SUCLA2: variants seen among roughly 807,000 people sequenced by gnomAD.
SUCLA2 encodes the protein succinate--CoA ligase [ADP-forming] subunit beta, mitochondrial.
SUCLA2 carries 30 observed loss-of-function variants against 54.8 expected under a neutral mutation model. That is an observed-to-expected ratio of 0.55 (90% CI 0.41 to 0.74). The LOEUF (loss-of-function observed/expected upper bound fraction) is 0.74. Ranked by LOEUF, SUCLA2 falls within the 30% of genes least tolerant of loss-of-function variation. The pLI, the probability that SUCLA2 is intolerant of heterozygous loss-of-function variation, is 0.00. For missense variants in SUCLA2, 476 were observed against 562.9 expected, an observed-to-expected ratio of 0.85 and a Z score of 1.56; for synonymous variants, 172 against 188.9, an observed-to-expected ratio of 0.91 and a Z score of 0.74.
At chr13:47,962,730 G>A (rs1949880867) in intron 6 of SUCLA2, among the ~76,000 whole-genome samples, 1 of 152,154 alleles carries the variant, frequency 6.6e-6, no homozygotes, top group African/African-American at 2.4e-5. Flanking sequence ...AAAGACCAAT[G>A]ACTGGATTCC....
At chr13:47,945,494 G>A (rs1450401269) in intron 10 of SUCLA2, among the ~76,000 whole-genome samples, 1 of 150,462 alleles carries the variant, frequency 6.6e-6, no homozygotes, top group East Asian at 2.0e-4. Flanking sequence ...GTGTTCGAGT[G>A]TTCAATGAAA....
Position 48,001,200 on chromosome 13 carries a change from C to G in SUCLA2, c.70G>C (p.Ala24Pro). The change falls in exon 1 of 11, where the codon GCC (alanine) becomes CCC (proline). Residue 24 changes from alanine to proline, a missense_variant. Ala to Pro is a conservative substitution (Grantham distance 27, BLOSUM62 -1). This residue lies in a region of SUCLA2 where 134 missense variants were observed against 118.7 expected (regional missense o/e 1.13). Coordinates refer to ENST00000646932, the MANE Select transcript of SUCLA2 (RefSeq NM_003850.3). The stretch of plus-strand genomic sequence containing the variant: ...ATTACCTGAGCAGCAGCCCGCTGGG[C>G]CGTCCGAGGCCGGTGGTTCCGAAGG... ...ATLRNHRPRT[A>P]QRAAAQVLGS... is the part of the protein sequence containing the mutation. 2 of 1,609,418 alleles carry G rather than the reference C, an allele frequency of 1.2e-6. No homozygotes were observed. The highest frequency in any genetic ancestry group is 1.7e-4 in the Middle Eastern group (1 of 6,052).
Position 47,979,853 on chromosome 13 carries a change from ATGT to A in SUCLA2, c.535-6464_535-6462del, listed in dbSNP as rs1950047028. On this transcript the variant is annotated intron_variant, in intron 4 of 10. Transcript: ENST00000646932. ...GTAAAATTCTGTGTTTGCAGATGAG[ATGT>A]TGTCATATGTAGAAATCCCTAAAGA... 2.0e-5 allele frequency among the ~76,000 whole-genome samples: 3 copies of A among 152,210 alleles called. No individual in the cohort carries two copies. The South Asian group carries it at 6.2e-4, about 32-fold the overall frequency.
At chr13:47,973,460 T>C in intron 4 of SUCLA2, 68 bp from the exon 5 acceptor site, 1 of 1,544,156 alleles carries the variant, frequency 6.5e-7, no homozygotes. Context: ...CTTTAAAACC[T>C]ACCCGTGCAT....
chr13:47,948,579 A>G (rs149373891), intron 10 of SUCLA2, among the ~76,000 whole-genome samples: 8 of 152,224 alleles, frequency 5.3e-5, no homozygotes, highest in Non-Finnish European at 1.2e-4. Context: ...TGCTTAAGTC[A>G]GTTTAGCCAG....
At chr13:47,987,050 T>C (rs1315001868) in intron 4 of SUCLA2, among the ~76,000 whole-genome samples, 1 of 152,256 alleles carries the variant, frequency 6.6e-6, no homozygotes, top group African/African-American at 2.4e-5. Flanking sequence ...ACAGTTTTAC[T>C]GGTACTACAG....
intron 5 of SUCLA2, chr13:47,972,010 G>T: frequency 2.5e-6 from 1 of 394,286 alleles, no homozygotes; most frequent in African/African-American, 2.1e-5. Flanking sequence ...TAGCACTTCA[G>T]GAGGCCGATG....
In SUCLA2 at chr13:47,966,505, G is replaced by A. The variant is rs7337846; in HGVS notation, c.802+2090C>T. Reference sequence around the variant, plus strand: ...TTACATTTAAGTTAGATAGGCTGGTGCAAAAGTAATTGCCGTTTTTAAAAA... The same window carrying A: ...TTACATTTAAGTTAGATAGGCTGGTACAAAAGTAATTGCCGTTTTTAAAAA... On this transcript the variant is annotated intron_variant, in intron 6 of 10. Coordinates refer to ENST00000646932, the MANE Select transcript of SUCLA2 (RefSeq NM_003850.3). Among the ~76,000 whole-genome samples the A allele has an allele frequency of 3.5e-3, 486 of 137,908 alleles. 5 individuals are homozygous for A. Among genetic ancestry groups the A allele is most frequent in the African/African-American group, 0.012 (462 of 37,010 alleles). 90.5% of individuals were successfully genotyped at this position (137,908 alleles called of 152,430 possible).
At chr13:47,953,850 A>C (rs901480729) in intron 8 of SUCLA2, among the ~76,000 whole-genome samples, 1 of 152,132 alleles carries the variant, frequency 6.6e-6, no homozygotes, top group Non-Finnish European at 1.5e-5. Flanking sequence ...TGTCTTTTGA[A>C]TTATGATACT....
intron 6 of SUCLA2, among the ~76,000 whole-genome samples, chr13:47,958,002 G>T (rs1191153600): frequency 2.0e-5 from 3 of 152,196 alleles, no homozygotes; most frequent in African/African-American, 7.2e-5. Context: ...TTGCAATACT[G>T]TTTGGTCCCA....
chr13:47,985,784 C>A (rs1950098095), intron 4 of SUCLA2, among the ~76,000 whole-genome samples: 1 of 152,132 alleles, frequency 6.6e-6, no homozygotes, highest in African/African-American at 2.4e-5. Context: ...AATAGTATTT[C>A]TGCCTCTAGG....
intron 4 of SUCLA2, 100 bp from the exon 5 acceptor site, chr13:47,973,492 T>C (rs1480626812): frequency 7.5e-7 from 1 of 1,341,556 alleles, no homozygotes; most frequent in Non-Finnish European, 1.1e-6. Context: ...TAAGCATCTA[T>C]TACTCTCTAC....
intron 4 of SUCLA2, among the ~76,000 whole-genome samples, chr13:47,980,688 A>G (rs1198140622): frequency 6.6e-6 from 1 of 152,122 alleles, no homozygotes; most frequent in Non-Finnish European, 1.5e-5. Context: ...TTCTTTTAAA[A>G]TATATTACAA....
At chr13:47,986,159 T>G (rs1187344307) in intron 4 of SUCLA2, among the ~76,000 whole-genome samples, 1 of 151,398 alleles carries the variant, frequency 6.6e-6, no homozygotes, top group Non-Finnish European at 1.5e-5. Flanking sequence ...GCCTCCCAAG[T>G]AGCTGGGATT....
At chr13:47,987,420 T>G (rs1950112381) in intron 4 of SUCLA2, among the ~76,000 whole-genome samples, 1 of 152,120 alleles carries the variant, frequency 6.6e-6, no homozygotes, top group Non-Finnish European at 1.5e-5. Context: ...TAAGTGAATG[T>G]GTAAAAATAT....
intron 6 of SUCLA2, 22 bp downstream of exon 6, chr13:47,968,573 T>TA (rs750041924): frequency 1.2e-6 from 2 of 1,611,022 alleles, no homozygotes; most frequent in South Asian, 1.1e-5. Flanking sequence ...ATAATCATGT[T>TA]AGACAAAAGA....
chr13:47,950,608 A>G (rs1361311844), intron 8 of SUCLA2, among the ~76,000 whole-genome samples: 1 of 152,132 alleles, frequency 6.6e-6, no homozygotes, highest in Non-Finnish European at 1.5e-5. Flanking sequence ...CAACATCACA[A>G]TGATAGTTCT....
At chr13:48,000,956 G>T (rs1214321938) in intron 1 of SUCLA2, 3 of 1,402,932 alleles carry the variant, frequency 2.1e-6, no homozygotes, top group East Asian at 2.7e-5. Context: ...CGGCCGGGCC[G>T]CCGGGGATCC....
rs140037522 is a variant in SUCLA2, at chr13:47,979,866, T to C, written c.535-6474A>G. On this transcript the variant is annotated intron_variant, in intron 4 of 10. Coordinates refer to ENST00000646932, the MANE Select transcript of SUCLA2 (RefSeq NM_003850.3). ...TTTGCAGATGAGATGTTGTCATATG[T>C]AGAAATCCCTAAAGATTCTGCACAC... is the stretch of plus-strand genomic sequence containing the variant. 1.3e-4 allele frequency among the ~76,000 whole-genome samples: 20 copies of C among 152,298 alleles called. 1 individual carries two copies. In the East Asian group the frequency reaches 3.9e-3, roughly 29 times the overall value.
Sources: allele counts gnomAD v4.1 joint callset (sites outside exome capture counted in the v4.1 genomes callset), GRCh38; gene constraint gnomAD v4.1.1; regional missense constraint gnomAD v4.1.1; transcripts MANE v1.5; gene names NCBI Gene and HGNC (gene_info 2026-07-23, HGNC 2026-07-21).